Variants in ANKZF1 observed in about 807,000 individuals in gnomAD.
ANKZF1 encodes tRNA endonuclease ANKZF1.
Under a neutral mutation model 86.0 loss-of-function variants are expected in ANKZF1, and 84 were observed. The observed-to-expected ratio is 0.98, with a 90% CI of 0.82 to 1.17. The LOEUF (loss-of-function observed/expected upper bound fraction) is 1.17. Among genes scored for constraint, ANKZF1 ranks in the 50% most tolerant of loss-of-function variants. The pLI is 0.00. For missense variants in ANKZF1, 893 were observed against 918.4 expected (o/e 0.97, Z 0.36); for synonymous variants, 331 against 354.2 (o/e 0.93, Z 0.74).
Position 219,230,215 on chromosome 2 carries a change from C to T in ANKZF1, c.-30-13C>T. On this transcript the variant is annotated splice_polypyrimidine_tract_variant and intron_variant, in intron 1 of 13. Transcript: ENST00000323348. Reference sequence around the variant, plus strand: ...TTGCAGGAGCCCTGTTTCTTACACGCTTTCTACTCCAGGAGCTGCTGCTAA... The same window carrying T: ...TTGCAGGAGCCCTGTTTCTTACACGTTTTCTACTCCAGGAGCTGCTGCTAA... 1 of 1,597,232 alleles carries T rather than the reference C, an allele frequency of 6.3e-7. No individual in the cohort carries two copies. The highest frequency in any genetic ancestry group is 8.6e-7 in the Non-Finnish European group (1 of 1,168,684).
intron 5 of ANKZF1, 139 bp from the exon 6 acceptor site, chr2:219,232,940 C>CA: frequency 1.1e-6 from 1 of 951,294 alleles, no homozygotes; most frequent in Non-Finnish European, 1.6e-6. Context: ...CGCCAAGCCT[C>CA]AAATTTCCTT....
Position 219,229,997 on chromosome 2 carries a change from T to G in ANKZF1, c.-31+97T>G, listed in dbSNP as rs1950980300. The G allele has an allele frequency of 5.2e-6, 2 of 388,090 alleles. No homozygotes were observed. Among genetic ancestry groups the G allele is most frequent in the Non-Finnish European group, 9.3e-6 (2 of 213,946 alleles). 24.0% of individuals were successfully genotyped at this position (388,090 alleles called of 1,614,324 possible). A position where few individuals can be genotyped will look rare whatever the true frequency, so the allele number is the denominator to read the frequency against. ...TTCGGCTAGGCAAGCTCAGTGATTT[T>G]TAACTCTGTTGGACTCGATTTGGGA... On this transcript the variant is annotated intron_variant, in intron 1 of 13. Coordinates refer to ENST00000323348, the MANE Select transcript of ANKZF1 (RefSeq NM_018089.3). The surrounding 1 kb of genome is among the most constrained non-coding windows in gnomAD (Gnocchi z 4.2).
rs1951193462 is a variant in ANKZF1, at chr2:219,235,652, C to T, written c.1804-56C>T. The T allele has an allele frequency of 3.1e-6, 5 of 1,611,348 alleles. No individual in the cohort carries two copies. The Admixed American group carries it at 6.7e-5, about 22-fold the overall frequency. ...ACAGATCCTGGCTAGATCCTTTCTA[C>T]TTCTTGCAGTTTTACCAAAGATAAC... On this transcript the variant is annotated intron_variant, in intron 11 of 13. Coordinates refer to ENST00000323348, the MANE Select transcript of ANKZF1 (RefSeq NM_018089.3).
In ANKZF1 at chr2:219,235,746, G is replaced by A; in HGVS notation, c.1842G>A (p.Gln614=). 4 of 1,614,204 alleles carry A rather than the reference G, an allele frequency of 2.5e-6. No homozygotes were observed. The Admixed American group carries it at 5.0e-5, about 20-fold the overall frequency. Residue 614 remains glutamine, a synonymous_variant, in exon 12 of 14, where the codon CAG becomes CAA. Coordinates refer to ENST00000323348, the MANE Select transcript of ANKZF1 (RefSeq NM_018089.3). The stretch of plus-strand genomic sequence containing the variant: ...TGACACCAGAAATGGAGGCACGGCA[G>A]GCTACACGGAAAAGGGAGCAGAAGG... The part of the protein sequence containing the change: ...GPLTPEMEAR[Q]ATRKREQKAA...
At chr2:219,230,426 T>A (rs367822373) in intron 2 of ANKZF1, 21 bp downstream of exon 2, 2 of 1,591,742 alleles carry the variant, frequency 1.3e-6, no homozygotes, top group Non-Finnish European at 1.7e-6. Context: ...AGGTTTCGTG[T>A]GAAACGTGAC....
At chr2:219,233,681 A>C in intron 7 of ANKZF1, 34 bp from the exon 8 acceptor site, 1 of 1,561,054 alleles carries the variant, frequency 6.4e-7, no homozygotes, top group Non-Finnish European at 8.7e-7. Context: ...ATAGCAAGTG[A>C]AGGTATGCAG....
rs1950989266 is a variant in ANKZF1, at chr2:219,230,257, C to A, written c.-1C>A. ...TGCTGCTAAATAATTTCTGCTCAGC[C>A]ATGTCGCCGGCTCCAGATGCAGCCC... On this transcript the variant is annotated 5_prime_UTR_variant, in exon 2 of 14. Coordinates refer to ENST00000323348, the MANE Select transcript of ANKZF1 (RefSeq NM_018089.3). The A allele has an allele frequency of 6.2e-7, 1 of 1,612,794 alleles. No individual in the cohort carries two copies. The highest frequency in any genetic ancestry group is 8.5e-7 in the Non-Finnish European group (1 of 1,179,162).
chr2:219,236,340 G>C lies in ANKZF1; in HGVS notation c.2076G>C (p.Gly692=), dbSNP rs371112604. ...TGTTCAGACGCTGCTGGAGTTGTGGGGCATCCCTCCAAGGCCTGACTCCCT... is the reference window on the plus strand; with the variant it reads ...TGTTCAGACGCTGCTGGAGTTGTGGCGCATCCCTCCAAGGCCTGACTCCCT... ...IVNTRRCWSC[G]ASLQGLTPFH... is the part of the protein sequence containing the mutation. The change falls in exon 14 of 14, where the codon GGG becomes GGC. Residue 692 remains glycine, a synonymous_variant. Coordinates refer to ENST00000323348, the MANE Select transcript of ANKZF1 (RefSeq NM_018089.3). 5.9e-5 allele frequency: 96 copies of C among 1,613,938 alleles called. No homozygotes were observed. In the African/African-American group the frequency reaches 9.5e-4, roughly 16 times the overall value.
rs1333153320 is a variant in ANKZF1, at chr2:219,235,818, G to C, written c.1914G>C (p.Gln638His). Residue 638 changes from glutamine to histidine, a missense_variant, in exon 12 of 14, where the codon CAG (glutamine) becomes CAC (histidine). By Grantham distance (24) the Gln-to-His change is conservative (BLOSUM62 0). Transcript: ENST00000323348. ...REEQQQRQQE[Q>H]EEREREEQRR... ...AACAGCAGCAGAGGCAGCAGGAGCAGGAGGAGCGTGAACGAGAAGAGCAGC... is the reference window on the plus strand; with the variant it reads ...AACAGCAGCAGAGGCAGCAGGAGCACGAGGAGCGTGAACGAGAAGAGCAGC... 6 of 1,614,070 alleles carry C rather than the reference G, an allele frequency of 3.7e-6. No individual in the cohort carries two copies. The African/African-American group carries it at 8.0e-5, about 22-fold the overall frequency.
At chr2:219,230,183 A>G in intron 1 of ANKZF1, 45 bp from the exon 2 acceptor site, 7 of 1,537,788 alleles carry the variant, frequency 4.6e-6, no homozygotes, top group Non-Finnish European at 6.2e-6. Context: ...CAGCAGTAGG[A>G]TCTCGTTTGC....
chr2:219,234,620 C>T (rs554394024), intron 9 of ANKZF1: 2 of 721,540 alleles, frequency 2.8e-6, no homozygotes, highest in East Asian at 2.7e-5. Context: ...CCTAAGGCTA[C>T]TCATACGGAG....
intron 7 of ANKZF1, 92 bp downstream of exon 7, chr2:219,233,525 A>T: frequency 6.9e-7 from 1 of 1,459,388 alleles, no homozygotes; most frequent in Non-Finnish European, 9.1e-7. Context: ...TTTTTGACTC[A>T]TATCCTTCCA....
At position 219,234,222 on chromosome 2, in the gene ANKZF1, GA is replaced by G; in HGVS notation, c.1141del (p.Ile381Ter). 1.2e-6 allele frequency: 2 copies of G among 1,614,100 alleles called. No individual in the cohort carries two copies. Among genetic ancestry groups the G allele is most frequent in the Non-Finnish European group, 1.7e-6 (2 of 1,180,030 alleles). On this transcript the variant is annotated frameshift_variant, in exon 9 of 14. Transcript: ENST00000323348. LOFTEE classifies it high-confidence loss of function. ...REERKKPTEE[E>X]IRKICRDEKE... The stretch of plus-strand genomic sequence containing the variant: ...GGAGAGAAAGAAGCCTACTGAGGAA[GA>G]AATAAGAAAGATCTGCAGGGATGAA...
rs1951074459 is a variant in ANKZF1 at position 219,232,536 on chromosome 2, T to C, written c.411T>C (p.Ser137=). 4 of 1,614,082 alleles carry C rather than the reference T, an allele frequency of 2.5e-6. No individual in the cohort carries two copies. The African/African-American group carries it at 5.3e-5, about 22-fold the overall frequency. Residue 137 remains serine, a synonymous_variant, in exon 5 of 14, where the codon AGT becomes AGC. Transcript: ENST00000323348. ...ISGSEDSDSA[S]EEDLQTLDRE... ...GATCAGAAGACTCAGACTCAGCCAG[T>C]GAGGAGGACTTGCAGACACTGGATC...
intron 2 of ANKZF1, 170 bp downstream of exon 2, chr2:219,230,575 T>C: frequency 7.0e-6 from 6 of 856,030 alleles, no homozygotes; most frequent in Non-Finnish European, 1.0e-5. Context: ...GCCCTTGTTT[T>C]CAAACAAGTC....
In ANKZF1 at chr2:219,233,152, T is replaced by C. The variant is rs758509680; in HGVS notation, c.632T>C (p.Met211Thr). The change falls in exon 6 of 14, where the codon ATG (methionine) becomes ACG (threonine). Residue 211 changes from methionine (M) to threonine (T), a missense_variant. Met to Thr is a moderately conservative substitution (Grantham distance 81). Transcript: ENST00000323348. ...SRGPRDCVVL[M>T]AAAGHFAGAI... ...GGTCCCAGAGACTGCGTGGTGCTCA[T>C]GGCTGCAGCTGGGCACTTTGCTGGT... The C allele has an allele frequency of 1.9e-6, 3 of 1,614,088 alleles. No individual in the cohort carries two copies. The highest frequency in any genetic ancestry group is 4.5e-5 in the East Asian group (2 of 44,906).
At chr2:219,235,937 C>T (rs1386157041) in intron 12 of ANKZF1, 62 bp downstream of exon 12, 10 of 1,613,670 alleles carry the variant, frequency 6.2e-6, no homozygotes, top group East Asian at 4.5e-5. Context: ...CCTTCCCCAG[C>T]GTGCAGCTGT....
chr2:219,233,615 C>T (rs898076040), intron 7 of ANKZF1, 100 bp from the exon 8 acceptor site: 32 of 1,428,454 alleles, frequency 2.2e-5, no homozygotes, highest in Admixed American at 4.4e-5. Flanking sequence ...GTGTTATCCT[C>T]TACTTTCCAC....
At position 219,232,572 on chromosome 2, in the gene ANKZF1, T is replaced by C. The variant is rs376176664; in HGVS notation, c.447T>C (p.Ala149=). ...TGCAGACACTGGATCGGGAGAGGGC[T>C]ACATTTGAGAAGTTGAGCCGACCCC... ...EDLQTLDRER[A]TFEKLSRPPG... The change falls in exon 5 of 14, where the codon GCT becomes GCC. Residue 149 remains alanine (A), a synonymous_variant. Transcript: ENST00000323348. The C allele has an allele frequency of 4.3e-6, 7 of 1,614,084 alleles. No homozygotes were observed. The African/African-American group carries it at 9.3e-5, about 22-fold the overall frequency.
Sources: allele counts gnomAD v4.1 joint callset, GRCh38; gene constraint gnomAD v4.1.1; non-coding constraint Gnocchi (gnomAD v3.1); transcripts MANE v1.5; gene names NCBI Gene and HGNC (gene_info 2026-07-23, HGNC 2026-07-21).